MORC2: variants seen among roughly 807,000 people sequenced by gnomAD.
MORC2 encodes MORC family CW-type zinc finger 2, also known as ATPase MORC2.
In MORC2, 30 loss-of-function variants were observed where a neutral mutation model predicts 136.0. That is an observed-to-expected ratio of 0.22 (90% confidence interval 0.17 to 0.30). The LOEUF (loss-of-function observed/expected upper bound fraction) is 0.30, where lower values mean the gene tolerates loss of function less well. MORC2 is among the 10% of genes least tolerant of loss of function. The pLI is 1.00. For synonymous variants in MORC2, 439 were observed against 487.0 expected (o/e 0.90, Z 1.30); for missense variants, 922 against 1,333.1 (o/e 0.69, Z 4.80).
chr22:30,968,734 G>C lies in MORC2; in HGVS notation c.-845C>G, dbSNP rs2041167762. Among the ~76,000 whole-genome samples the C allele has an allele frequency of 6.6e-6, 1 of 152,006 alleles. No homozygotes were observed. Among genetic ancestry groups the C allele is most frequent in the African/African-American group, 2.4e-5 (1 of 41,390 alleles). ...CAAGGACCGGATCGAGGGCAGTGGC[G>C]AGCGCACCACCTGACCGGGCACTAC... On this transcript the variant is annotated 5_prime_UTR_variant, in exon 1 of 26. Coordinates refer to ENST00000397641, the MANE Select transcript of MORC2 (RefSeq NM_001303256.3).
chr22:30,960,918 G>A (rs2041036272), intron 1 of MORC2, among the ~76,000 whole-genome samples: 1 of 138,606 alleles, frequency 7.2e-6, no homozygotes, highest in Non-Finnish European at 1.6e-5. Flanking sequence ...AGGCTGGAGT[G>A]CAAGCGGCGC....
Position 30,956,635 on chromosome 22 carries a change from T to C in MORC2, c.157+128A>G, listed in dbSNP as rs1040455210. On this transcript the variant is annotated intron_variant, in intron 3 of 25. Transcript: ENST00000397641. Reference sequence around the variant, plus strand: ...ACTACGGCTGCCCCTTTTCTACCTATGACCTGGAATAATCATGCCATCTTC... The same window carrying C: ...ACTACGGCTGCCCCTTTTCTACCTACGACCTGGAATAATCATGCCATCTTC... The C allele has an allele frequency of 5.4e-5, 41 of 765,116 alleles. No homozygotes were observed. In the East Asian group the frequency reaches 6.3e-4, roughly 12 times the overall value. The allele number at this position is 765,116 out of a possible 1,614,324, so 47.4% of individuals were successfully genotyped here.
chr22:30,925,366 G>C lies in MORC2; in HGVS notation c.*1437C>G, dbSNP rs1322268345. ...ACTTGGACAGTCTTCCAGCAGAAGA[G>C]GCCAGGGTCTCTCAGTGTACTACTC... is the stretch of plus-strand genomic sequence containing the variant. On this transcript the variant is annotated 3_prime_UTR_variant, in exon 26 of 26. Coordinates refer to ENST00000397641, the MANE Select transcript of MORC2 (RefSeq NM_001303256.3). The C allele has an allele frequency of 1.3e-5, 3 of 234,732 alleles. No homozygotes were observed. The highest frequency in any genetic ancestry group is 1.1e-4 in the Admixed American group (2 of 19,004). 14.5% of individuals were successfully genotyped at this position (234,732 alleles called of 1,614,324 possible).
intron 1 of MORC2, among the ~76,000 whole-genome samples, chr22:30,960,733 C>T (rs1030905783): frequency 9.4e-5 from 14 of 149,594 alleles, no homozygotes; most frequent in African/African-American, 3.2e-4. Context: ...TCAGGTGATC[C>T]GCCCGCCTCG....
intron 6 of MORC2, among the ~76,000 whole-genome samples, chr22:30,944,478 C>T (rs1455546411): frequency 6.6e-6 from 1 of 152,128 alleles, no homozygotes; most frequent in Non-Finnish European, 1.5e-5. Context: ...CTCCTCTCCC[C>T]GACCTTTAGA....
Position 30,950,414 on chromosome 22 carries a change from C to T in MORC2, c.189G>A (p.Met63Ile). 1 of 1,467,506 alleles carries T rather than the reference C, an allele frequency of 6.8e-7. No homozygotes were observed. The allele number at this position is 1,467,506 out of a possible 1,614,324, so 90.9% of individuals were successfully genotyped here. The change falls in exon 4 of 26, where the codon ATG (methionine) becomes ATA (isoleucine). Residue 63 changes from methionine (M) to isoleucine (I), a missense_variant. Transcript: ENST00000397641. ...CTGCTCCATCATCCAAAAAGCAAAG[C>T]ATAAATCCTCCTCGAAGGTCCTCTC... is the stretch of plus-strand genomic sequence containing the variant. ...ERREDLRGGF[M>I]LCFLDDGAGM...
Position 30,935,127 on chromosome 22 carries a change from G to A in MORC2, c.1847C>T (p.Pro616Leu). 6.2e-7 allele frequency: 1 copy of A among 1,613,498 alleles called. No homozygotes were observed. The highest frequency in any genetic ancestry group is 8.5e-7 in the Non-Finnish European group (1 of 1,179,708). ...GTTCCTGATCACAGCAGGTAAAGGG[G>A]GCGACCGAGGACGCTGAGGTCTACG... ...PVRRPQRPRS[P>L]PLPAVIRNAP... The change falls in exon 19 of 26, where the codon CCC (proline) becomes CTC (leucine). Residue 616 changes from proline to leucine, a missense_variant. Coordinates refer to ENST00000397641, the MANE Select transcript of MORC2 (RefSeq NM_001303256.3).
chr22:30,926,975 C>T (rs2040494209), intron 25 of MORC2, 104 bp from the exon 26 acceptor site: 1 of 851,916 alleles, frequency 1.2e-6, no homozygotes, highest in Non-Finnish European at 1.9e-6. Context: ...AGAGTCCTCT[C>T]CCTGACCTCC....
Position 30,937,509 on chromosome 22 carries a change from C to A in MORC2, c.1498+74G>T. On this transcript the variant is annotated intron_variant, in intron 15 of 25. Transcript: ENST00000397641. The surrounding 1 kb of genome is among the most constrained non-coding windows in gnomAD (Gnocchi z 4.7). Reference sequence around the variant, plus strand: ...CATGAATGTCAGTCAAGTTAGGAGGCTGGCAGGAAGATAGAGAAAAGAGGC... The same window carrying A: ...CATGAATGTCAGTCAAGTTAGGAGGATGGCAGGAAGATAGAGAAAAGAGGC... The A allele has an allele frequency of 6.4e-7, 1 of 1,567,580 alleles. No homozygotes were observed.
chr22:30,934,004 T>TG lies in MORC2; in HGVS notation c.2325+55dup. On this transcript the variant is annotated intron_variant, in intron 20 of 25. Transcript: ENST00000397641. The surrounding 1 kb of genome is among the most constrained non-coding windows in gnomAD (Gnocchi z 4.4). ...GCTGATGGGGGGTGCAGACTGCTGG[T>TG]GGGGGCTGCAGGCCCTAGAGAGAGA... 1 of 1,601,828 alleles carries TG rather than the reference T, an allele frequency of 6.2e-7. No individual in the cohort carries two copies. Among genetic ancestry groups the TG allele is most frequent in the Non-Finnish European group, 8.5e-7 (1 of 1,172,214 alleles).
chr22:30,928,293 C>A (rs184482945), intron 24 of MORC2, 86 bp from the exon 25 acceptor site: 1 of 1,352,238 alleles, frequency 7.4e-7, no homozygotes, highest in Non-Finnish European at 1.0e-6. Context: ...GTCTCCAGCC[C>A]GCTTTACCCA....
chr22:30,929,356 G>C (rs1212788624), intron 24 of MORC2, among the ~76,000 whole-genome samples: 1 of 152,112 alleles, frequency 6.6e-6, no homozygotes, highest in Non-Finnish European at 1.5e-5. Context: ...CAGGGCTCCT[G>C]AGGCTCTATG....
chr22:30,955,267 G>A (rs2040950078), intron 3 of MORC2, among the ~76,000 whole-genome samples: 1 of 152,016 alleles, frequency 6.6e-6, no homozygotes, highest in African/African-American at 2.4e-5. Context: ...CTTGGCCTGA[G>A]CATTTAGTAA....
At chr22:30,962,176 C>T (rs1411626596) in intron 1 of MORC2, among the ~76,000 whole-genome samples, 1 of 150,504 alleles carries the variant, frequency 6.6e-6, no homozygotes, top group Non-Finnish European at 1.5e-5. Flanking sequence ...CGCCACTGTA[C>T]TCCAGCCTGG....
chr22:30,960,991 G>A (rs981511711), intron 1 of MORC2, among the ~76,000 whole-genome samples: 6 of 151,390 alleles, frequency 4.0e-5, no homozygotes, highest in Non-Finnish European at 5.9e-5. Flanking sequence ...TCAGCCTCCC[G>A]AGTAGCTGGG....
rs2040590392 is a variant in MORC2 at position 30,932,540 on chromosome 22, T to G, written c.2747+5A>C. On this transcript the variant is annotated splice_donor_5th_base_variant and intron_variant, in intron 23 of 25. Transcript: ENST00000397641. This position sits in a 1 kb window ranked among gnomAD's most constrained non-coding sequence, Gnocchi z 4.4. ...CTGGGGTGGGAAGACAAAAGACACA[T>G]GTACCGGAGGATCTGGACAAGCAGG... is the stretch of plus-strand genomic sequence containing the variant. 6.2e-7 allele frequency: 1 copy of G among 1,611,908 alleles called. No individual in the cohort carries two copies. Among genetic ancestry groups the G allele is most frequent in the African/African-American group, 1.4e-5 (1 of 73,250 alleles).
Position 30,932,550 on chromosome 22 carries a change from G to T in MORC2, c.2742C>A (p.Ile914=). 6.2e-7 allele frequency: 1 copy of T among 1,614,090 alleles called. No homozygotes were observed. The highest frequency in any genetic ancestry group is 8.5e-7 in the Non-Finnish European group (1 of 1,179,980). Reference sequence around the variant, plus strand: ...AAGACAAAAGACACATGTACCGGAGGATCTGGACAAGCAGGTCGATGGTCT... The same window carrying T: ...AAGACAAAAGACACATGTACCGGAGTATCTGGACAAGCAGGTCGATGGTCT... ...NHETIDLLVQ[I]LRNCLRYFLP... Residue 914 remains isoleucine (I), a synonymous_variant, in exon 23 of 26, where the codon ATC becomes ATA. Coordinates refer to ENST00000397641, the MANE Select transcript of MORC2 (RefSeq NM_001303256.3). The surrounding 1 kb of genome is among the most constrained non-coding windows in gnomAD (Gnocchi z 4.4).
At position 30,967,853 on chromosome 22, in the gene MORC2, G is replaced by A. The variant is rs769126155; in HGVS notation, c.37C>T (p.Gln13Ter). ...GTGTGCAGATATTCAAAGGTTAGCTGAGCTCGATTCAGACTGCTGTAATTT... is the reference window on the plus strand; with the variant it reads ...GTGTGCAGATATTCAAAGGTTAGCTAAGCTCGATTCAGACTGCTGTAATTT... The part of the protein sequence containing the change: ...FTNYSSLNRA[Q>*]LTFEYLHTNS... The change falls in exon 1 of 26, where the codon CAG (glutamine) becomes TAG (stop). Residue 13 changes from glutamine (Q) to a stop codon, truncating the protein, a stop_gained. Transcript: ENST00000397641. LOFTEE classifies it high-confidence loss of function. The A allele has an allele frequency of 6.4e-7, 1 of 1,551,170 alleles. No individual in the cohort carries two copies. Among genetic ancestry groups the A allele is most frequent in the Non-Finnish European group, 8.7e-7 (1 of 1,147,078 alleles).
rs2041156164 is a variant in MORC2, at chr22:30,968,059, T to C, written c.-170A>G. The stretch of plus-strand genomic sequence containing the variant: ...AAATATATGCAGAGATGTTTAAAAC[T>C]ACAATTTCTTCAAGTGTTTTTTTTT... On this transcript the variant is annotated 5_prime_UTR_variant, in exon 1 of 26. Coordinates refer to ENST00000397641, the MANE Select transcript of MORC2 (RefSeq NM_001303256.3). 1.8e-6 allele frequency: 1 copy of C among 558,648 alleles called. No homozygotes were observed. The highest frequency in any genetic ancestry group is 1.9e-5 in the African/African-American group (1 of 52,162). The allele number at this position is 558,648 out of a possible 1,614,324, so 34.6% of individuals were successfully genotyped here.
Sources: allele counts gnomAD v4.1 joint callset (sites outside exome capture counted in the v4.1 genomes callset), GRCh38; gene constraint gnomAD v4.1.1; non-coding constraint Gnocchi (gnomAD v3.1); transcripts MANE v1.5; gene names NCBI Gene and HGNC (gene_info 2026-07-23, HGNC 2026-07-21).